Variants in TENM3 observed in about 807,000 individuals in gnomAD.
The protein encoded by TENM3 is teneurin-3.
Under a neutral mutation model 255.1 loss-of-function variants are expected in TENM3, and 63 were observed. The ratio of observed to expected loss-of-function variants is 0.25; its 90% confidence interval spans 0.20 to 0.30. The LOEUF (loss-of-function observed/expected upper bound fraction) is 0.30, where lower values mean the gene tolerates loss of function less well. Among genes scored for constraint, TENM3 ranks in the 10% least tolerant of loss-of-function variants. TENM3 has a pLI of 1.00. For missense variants in TENM3, 2,929 were observed against 3,461.1 expected, an observed-to-expected ratio of 0.85 and a Z score of 3.86; for synonymous variants, 1,306 against 1,322.3, an observed-to-expected ratio of 0.99 and a Z score of 0.27.
chr4:182,437,129 CACCAAATGTT>C (rs1772108509), intron 3 of TENM3, among the ~76,000 whole-genome samples: 1 of 151,972 alleles, frequency 6.6e-6, no homozygotes, highest in African/African-American at 2.4e-5. Context: ...TATCTTAACA[CACCAAATGTT>C]ACCATATGGG....
chr4:181,846,585 G>A, the TENM3 span, among the ~76,000 whole-genome samples: 1 of 152,178 alleles, frequency 6.6e-6, no homozygotes, highest in Admixed American at 6.6e-5. Flanking sequence ...ATTGTTTGAA[G>A]ATTATTAAGA....
chr4:181,966,784 C>A, the TENM3 span, among the ~76,000 whole-genome samples: 1 of 152,192 alleles, frequency 6.6e-6, no homozygotes, highest in East Asian at 1.9e-4. Flanking sequence ...AGTAAATTGA[C>A]TCCCACTTCT....
the TENM3 span, among the ~76,000 whole-genome samples, chr4:181,489,195 A>G: frequency 1.3e-5 from 2 of 152,216 alleles, no homozygotes; most frequent in East Asian, 1.9e-4. Flanking sequence ...TTTCTGCTCC[A>G]TGAACAATAT....
At chr4:181,903,560 A>T in the TENM3 span, among the ~76,000 whole-genome samples, 1 of 152,282 alleles carries the variant, frequency 6.6e-6, no homozygotes, top group East Asian at 1.9e-4. Flanking sequence ...ATCCCTAATC[A>T]ACTCAAACCA....
At chr4:181,593,066 A>G in the TENM3 span, among the ~76,000 whole-genome samples, 1 of 152,240 alleles carries the variant, frequency 6.6e-6, no homozygotes, top group East Asian at 1.9e-4. Flanking sequence ...GGTTTTCTTC[A>G]CTTCTTGAAG....
At chr4:182,016,255 G>C in the TENM3 span, among the ~76,000 whole-genome samples, 4 of 152,148 alleles carry the variant, frequency 2.6e-5, no homozygotes, top group African/African-American at 9.7e-5. Context: ...TGGTGCTACC[G>C]TTGAGGTACT....
At chr4:182,595,486 G>C (rs1273527507) in intron 3 of TENM3, among the ~76,000 whole-genome samples, 1 of 152,122 alleles carries the variant, frequency 6.6e-6, no homozygotes, top group Admixed American at 6.6e-5. Flanking sequence ...GGGAGGAGCA[G>C]GGTGACCGCA....
chr4:181,750,159 G>T, the TENM3 span, among the ~76,000 whole-genome samples: 2 of 152,116 alleles, frequency 1.3e-5, no homozygotes, highest in African/African-American at 4.8e-5. Context: ...ACGAAACTTG[G>T]GTGAGGTGTT....
the TENM3 span, among the ~76,000 whole-genome samples, chr4:181,707,910 T>C: frequency 8.6e-3 from 1,310 of 152,266 alleles, 15 homozygotes; most frequent in Non-Finnish European, 0.014. Context: ...AGATAAATTA[T>C]GGAAAAAATA....
chr4:181,613,770 G>A, the TENM3 span, among the ~76,000 whole-genome samples: 8,493 of 152,280 alleles, frequency 0.056, 331 homozygotes, highest in East Asian at 0.14. Flanking sequence ...CTTTCAGGAG[G>A]TCCATAAGAC....
chr4:182,760,928 G>C (rs1192036716), intron 22 of TENM3, among the ~76,000 whole-genome samples: 2 of 152,112 alleles, frequency 1.3e-5, no homozygotes, highest in African/African-American at 2.4e-5. Flanking sequence ...GTTCAAAACT[G>C]TATACCAAAA....
At chr4:182,228,358 A>ATGTATG (rs1554035080) in intron 1 of TENM3, among the ~76,000 whole-genome samples, 7,039 of 109,210 alleles carry the variant, frequency 0.064, 669 homozygotes, top group Non-Finnish European at 0.094. Flanking sequence ...ATGTAATGTA[A>ATGTATG]TGTGTGTGTG....
chr4:182,647,966 G>A (rs1409729025), intron 5 of TENM3, among the ~76,000 whole-genome samples: 1 of 152,128 alleles, frequency 6.6e-6, no homozygotes, highest in African/African-American at 2.4e-5. Context: ...ACATGAATTT[G>A]TTTAATCGTA....
At chr4:181,650,230 A>G in the TENM3 span, among the ~76,000 whole-genome samples, 1 of 152,212 alleles carries the variant, frequency 6.6e-6, no homozygotes, top group East Asian at 1.9e-4. Flanking sequence ...CAAGACCTAC[A>G]TGAGTCAGCA....
chr4:181,729,316 A>G, the TENM3 span, among the ~76,000 whole-genome samples: 70 of 152,318 alleles, frequency 4.6e-4, no homozygotes, highest in Middle Eastern at 6.8e-3. Context: ...GGGGAATGAC[A>G]TGACTGTCGT....
the TENM3 span, among the ~76,000 whole-genome samples, chr4:181,683,956 A>C: frequency 6.6e-6 from 1 of 152,178 alleles, no homozygotes; most frequent in African/African-American, 2.4e-5. Context: ...ATGAGAATCC[A>C]ATGGGTTAAA....
chr4:182,175,309 A>AT (rs1752395638), intron 1 of TENM3, among the ~76,000 whole-genome samples: 1 of 77,454 alleles, frequency 1.3e-5, no homozygotes, highest in Non-Finnish European at 3.0e-5. Flanking sequence ...CATTAAAAAA[A>AT]AAAAAATATA....
At chr4:182,110,193 C>T in the TENM3 span, among the ~76,000 whole-genome samples, 2 of 152,008 alleles carry the variant, frequency 1.3e-5, no homozygotes, top group South Asian at 2.1e-4. Context: ...CATGCATGCT[C>T]ATTATCTATG....
chr4:181,836,105 C>CATCA, the TENM3 span, among the ~76,000 whole-genome samples: 1 of 151,932 alleles, frequency 6.6e-6, no homozygotes, highest in Non-Finnish European at 1.5e-5. Context: ...AAGTGACTCT[C>CATCA]ATCAATCATT....
Sources: allele counts gnomAD v4.1 joint callset (sites outside exome capture counted in the v4.1 genomes callset), GRCh38; gene constraint gnomAD v4.1.1; transcripts MANE v1.5; gene names NCBI Gene and HGNC (gene_info 2026-07-23, HGNC 2026-07-21).